The following SASH1 variants were observed in gnomAD, a reference collection of about 807,000 sequenced individuals.
SASH1 encodes the protein SAM and SH3 domain containing 1, also known as SAM and SH3 domain-containing protein 1.
Under a neutral mutation model 125.2 loss-of-function variants are expected in SASH1, and 44 were observed. That is an observed-to-expected ratio of 0.35 (90% CI 0.28 to 0.45). SASH1 has a LOEUF of 0.45. Ranked by LOEUF, SASH1 falls within the 20% of genes least tolerant of loss-of-function variation. The pLI is 1.00. For missense variants in SASH1, 1,426 were observed against 1,614.5 expected (o/e 0.88, Z 2.00); for synonymous variants, 639 against 649.1 (o/e 0.98, Z 0.24).
intron 1 of SASH1, among the ~76,000 whole-genome samples, chr6:148,358,733 GTTTTTTTTTTTT>G (rs10673654): frequency 8.3e-6 from 1 of 120,922 alleles, no homozygotes; most frequent in Non-Finnish European, 1.7e-5. Flanking sequence ...CCATGTTTTT[GTTTTTTTTTTTT>G]TTTTTTTTGA....
the SASH1 span, among the ~76,000 whole-genome samples, chr6:148,249,173 T>G: frequency 2.0e-5 from 3 of 152,250 alleles, no homozygotes; most frequent in East Asian, 1.9e-4. Context: ...TTTACATTTT[T>G]TACTTATTGT....
chr6:148,357,654 G>T (rs2114690728), intron 1 of SASH1, among the ~76,000 whole-genome samples: 1 of 152,252 alleles, frequency 6.6e-6, no homozygotes, highest in Non-Finnish European at 1.5e-5. Flanking sequence ...ATTGTAACCA[G>T]CTTGAGACAG....
At chr6:148,490,121 A>G (rs902158165) in intron 8 of SASH1, among the ~76,000 whole-genome samples, 1 of 151,420 alleles carries the variant, frequency 6.6e-6, no homozygotes, top group African/African-American at 2.4e-5. Flanking sequence ...CGTACCTTGT[A>G]TTATTCACAC....
chr6:148,292,397 TG>T (rs1779659384), intron 1 of SASH1, among the ~76,000 whole-genome samples: 1 of 152,192 alleles, frequency 6.6e-6, no homozygotes, highest in South Asian at 2.1e-4. Context: ...TCCTGGGATA[TG>T]GGCTAATGGA....
chr6:148,241,524 G>A, the SASH1 span, among the ~76,000 whole-genome samples: 40 of 152,188 alleles, frequency 2.6e-4, no homozygotes, highest in Non-Finnish European at 5.1e-4. Flanking sequence ...CTTGAATTGT[G>A]TCTAAGAAAT....
chr6:148,468,645 G>A (rs894774031), intron 5 of SASH1, 60 bp downstream of exon 5: 36 of 1,075,164 alleles, frequency 3.3e-5, no homozygotes, highest in African/African-American at 1.8e-4. Context: ...TAGAAAACAC[G>A]AATATGTGAA....
the SASH1 span, among the ~76,000 whole-genome samples, chr6:148,222,364 G>A: frequency 6.6e-6 from 1 of 152,070 alleles, no homozygotes; most frequent in East Asian, 1.9e-4. Context: ...TTCCTGAGGT[G>A]GGGAAGGTGC....
intron 1 of SASH1, among the ~76,000 whole-genome samples, chr6:148,362,488 A>AG (rs779884265): frequency 1.1e-4 from 17 of 151,548 alleles, no homozygotes; most frequent in Non-Finnish European, 2.2e-4. Context: ...CTCCCACACA[A>AG]GGCCTCAGTC....
intron 1 of SASH1, among the ~76,000 whole-genome samples, chr6:148,384,209 A>G (rs1783268076): frequency 6.6e-6 from 1 of 152,168 alleles, no homozygotes; most frequent in African/African-American, 2.4e-5. Context: ...AAATTTCACA[A>G]TTTTCTCAAA....
intron 4 of SASH1, among the ~76,000 whole-genome samples, chr6:148,462,653 TTC>T: frequency 1.3e-5 from 2 of 152,314 alleles, no homozygotes; most frequent in South Asian, 4.2e-4. Context: ...GTTGAAAACT[TTC>T]TGTTTTTGCA....
intron 11 of SASH1, 26 bp from the exon 12 acceptor site, chr6:148,527,427 A>G: frequency 6.5e-7 from 1 of 1,548,062 alleles, no homozygotes; most frequent in Non-Finnish European, 8.7e-7. Context: ...TGCGACCAAC[A>G]ATACTTGCAA....
At chr6:148,441,561 T>G (rs1482442022) in intron 4 of SASH1, among the ~76,000 whole-genome samples, 1 of 152,152 alleles carries the variant, frequency 6.6e-6, no homozygotes, top group East Asian at 1.9e-4. Flanking sequence ...AAGGCTCAAG[T>G]TGACATTGAC....
intron 1 of SASH1, among the ~76,000 whole-genome samples, chr6:148,378,486 C>G (rs1451979079): frequency 4.6e-5 from 7 of 152,202 alleles, no homozygotes; most frequent in Admixed American, 4.6e-4. Flanking sequence ...TCCTGAGTAG[C>G]TGGGGCCGCA....
upstream of SASH1, among the ~76,000 whole-genome samples, chr6:148,269,016 A>C (rs1779001638): frequency 6.6e-6 from 1 of 152,156 alleles, no homozygotes; most frequent in Admixed American, 6.5e-5. Flanking sequence ...CACCATGCCC[A>C]TTTCTTAGTA....
chr6:148,507,528 G>C (rs533699782), intron 8 of SASH1, among the ~76,000 whole-genome samples: 2 of 152,044 alleles, frequency 1.3e-5, no homozygotes, highest in Non-Finnish European at 2.9e-5. Flanking sequence ...ATGCCACCAC[G>C]CCTGACTAAG....
chr6:148,529,150 C>T lies in SASH1; in HGVS notation c.1428+1554C>T, dbSNP rs891717165. The stretch of plus-strand genomic sequence containing the variant: ...AAGCTTGGCCTGCTCACCCGCCACT[C>T]ACCTCCTGCTGTACGGCCCACTTCT... On this transcript the variant is annotated intron_variant, in intron 12 of 19. Coordinates refer to ENST00000367467, the MANE Select transcript of SASH1 (RefSeq NM_015278.5). This position sits in a 1 kb window ranked among gnomAD's most constrained non-coding sequence, Gnocchi z 4.2. Among the ~76,000 whole-genome samples, 2 of 152,186 alleles carry T rather than the reference C, an allele frequency of 1.3e-5. No individual in the cohort carries two copies. The highest frequency in any genetic ancestry group is 2.1e-4 in the South Asian group (1 of 4,818).
the SASH1 span, among the ~76,000 whole-genome samples, chr6:148,256,299 C>G: frequency 6.6e-6 from 1 of 152,204 alleles, no homozygotes; most frequent in Admixed American, 6.5e-5. Flanking sequence ...TTTTAGAACA[C>G]ATTAATTCTA....
At chr6:148,541,546 C>T (rs1782217982) in intron 17 of SASH1, among the ~76,000 whole-genome samples, 1 of 151,950 alleles carries the variant, frequency 6.6e-6, no homozygotes, top group Non-Finnish European at 1.5e-5. Flanking sequence ...ATGTGTGTCT[C>T]TGTGTACTAC....
At chr6:148,445,594 G>A (rs1048498720) in intron 4 of SASH1, among the ~76,000 whole-genome samples, 2 of 152,052 alleles carry the variant, frequency 1.3e-5, no homozygotes, top group South Asian at 2.1e-4. Context: ...GACTCAAGTC[G>A]GCCTTCAGAA....
Sources: allele counts gnomAD v4.1 joint callset (sites outside exome capture counted in the v4.1 genomes callset), GRCh38; gene constraint gnomAD v4.1.1; non-coding constraint Gnocchi (gnomAD v3.1); transcripts MANE v1.5; gene names NCBI Gene and HGNC (gene_info 2026-07-23, HGNC 2026-07-21).